Variants in NEK11 observed in about 807,000 individuals in gnomAD.
NEK11 encodes serine/threonine-protein kinase Nek11.
NEK11 carries 72 observed loss-of-function variants against 80.7 expected under a neutral mutation model. The ratio of observed to expected loss-of-function variants is 0.89; its 90% CI spans 0.74 to 1.08. The LOEUF is 1.08. Ranked by LOEUF, NEK11 falls within the 50% of genes least tolerant of loss-of-function variation. The probability of loss-of-function intolerance (pLI) is 0.00; values close to 1 mark genes in which losing one functional copy is unlikely to be tolerated. For missense variants in NEK11, 764 were observed against 763.6 expected, an observed-to-expected ratio of 1.00 and a Z score of -0.01; for synonymous variants, 251 against 260.7, an observed-to-expected ratio of 0.96 and a Z score of 0.36.
chr3:131,257,274 A>G (rs962335663), intron 16 of NEK11, among the ~76,000 whole-genome samples: 2 of 151,618 alleles, frequency 1.3e-5, no homozygotes, highest in Non-Finnish European at 2.9e-5. Context: ...GGGATTACAG[A>G]TGTGAACTAC....
intron 17 of NEK11, among the ~76,000 whole-genome samples, chr3:131,301,578 TAACATG>T (rs1168501091): frequency 6.6e-6 from 1 of 152,144 alleles, no homozygotes; most frequent in African/African-American, 2.4e-5. Flanking sequence ...GGAGGATTTT[TAACATG>T]AACATATGTT....
At chr3:131,214,674 C>A (rs899313089) in intron 14 of NEK11, among the ~76,000 whole-genome samples, 7 of 147,512 alleles carry the variant, frequency 4.7e-5, no homozygotes. Context: ...GAGCTTATTT[C>A]TGTCACGTGA....
intron 14 of NEK11, among the ~76,000 whole-genome samples, chr3:131,200,246 G>C (rs961131073): frequency 6.6e-6 from 1 of 152,172 alleles, no homozygotes; most frequent in Admixed American, 6.5e-5. Flanking sequence ...AATTCATAGA[G>C]TAAATCAAGG....
intron 5 of NEK11, among the ~76,000 whole-genome samples, chr3:131,112,118 C>T (rs1665220452): frequency 6.6e-6 from 1 of 152,058 alleles, no homozygotes; most frequent in Non-Finnish European, 1.5e-5. Flanking sequence ...AAAAGGTATG[C>T]AGAAATGTCC....
chr3:131,286,254 G>A (rs779879737), intron 17 of NEK11, among the ~76,000 whole-genome samples: 9 of 152,204 alleles, frequency 5.9e-5, no homozygotes, highest in Non-Finnish European at 1.0e-4. Context: ...GATGGCCAGG[G>A]TTGGGGTGTA....
At chr3:131,145,794 C>G (rs1420886765) in intron 7 of NEK11, among the ~76,000 whole-genome samples, 1 of 152,042 alleles carries the variant, frequency 6.6e-6, no homozygotes, top group Admixed American at 6.6e-5. Flanking sequence ...AACAATTTAC[C>G]TAATCTTATG....
At chr3:131,178,151 CA>C (rs1412145405) in intron 14 of NEK11, among the ~76,000 whole-genome samples, 1 of 152,252 alleles carries the variant, frequency 6.6e-6, no homozygotes, top group East Asian at 1.9e-4. Context: ...ATGGAGCTTG[CA>C]GGACTGGAAG....
chr3:131,309,115 G>T (rs115174437), intron 17 of NEK11, among the ~76,000 whole-genome samples: 1,637 of 152,254 alleles, frequency 0.011, 22 homozygotes, highest in African/African-American at 0.036. Flanking sequence ...GCGGCCTAAG[G>T]GTTGGGGACC....
At chr3:131,053,025 C>T (rs571891773) in intron 3 of NEK11, among the ~76,000 whole-genome samples, 10 of 152,112 alleles carry the variant, frequency 6.6e-5, no homozygotes, top group Non-Finnish European at 1.5e-4. Context: ...CCCCCCGGGA[C>T]ACTCTTATTA....
intron 14 of NEK11, among the ~76,000 whole-genome samples, chr3:131,212,893 T>C (rs1020789516): frequency 8.5e-5 from 13 of 152,196 alleles, no homozygotes; most frequent in African/African-American, 3.1e-4. Context: ...TAAGATGCAA[T>C]TAATATTTTT....
chr3:131,083,333 C>T (rs1212544226), intron 4 of NEK11, among the ~76,000 whole-genome samples: 1 of 149,058 alleles, frequency 6.7e-6, no homozygotes, highest in African/African-American at 2.4e-5. Flanking sequence ...CTGAGCTGCT[C>T]TCCCGGGAGG....
At chr3:131,242,298 C>G (rs1417017868) in intron 15 of NEK11, among the ~76,000 whole-genome samples, 2 of 152,076 alleles carry the variant, frequency 1.3e-5, no homozygotes, top group Admixed American at 1.3e-4. Flanking sequence ...ACTTGAAGAA[C>G]ATTTAAGTTC....
chr3:131,238,477 A>G (rs772448757), intron 15 of NEK11, among the ~76,000 whole-genome samples: 1 of 152,236 alleles, frequency 6.6e-6, no homozygotes, highest in South Asian at 2.1e-4. Context: ...CAGGTAGCCA[A>G]TTAGCCAGGA....
chr3:131,221,863 A>G (rs1042308883), intron 14 of NEK11, among the ~76,000 whole-genome samples: 1 of 152,192 alleles, frequency 6.6e-6, no homozygotes, highest in Non-Finnish European at 1.5e-5. Flanking sequence ...GCAGAATCTC[A>G]AGCCCCATTC....
chr3:131,302,462 A>G (rs961950012), intron 17 of NEK11, among the ~76,000 whole-genome samples: 1 of 151,878 alleles, frequency 6.6e-6, no homozygotes, highest in African/African-American at 2.4e-5. Flanking sequence ...TTAATTTGAG[A>G]TCTAACTTTT....
At chr3:131,064,215 CTG>C (rs141682740) in intron 3 of NEK11, among the ~76,000 whole-genome samples, 2,007 of 152,206 alleles carry the variant, frequency 0.013, 39 homozygotes, top group African/African-American at 0.045. Flanking sequence ...TCTTTGGGGA[CTG>C]TGTTAGTTTT....
chr3:131,065,183 C>T (rs547546660), intron 3 of NEK11, among the ~76,000 whole-genome samples: 4 of 152,266 alleles, frequency 2.6e-5, no homozygotes, highest in Non-Finnish European at 4.4e-5. Flanking sequence ...ATTTATATCT[C>T]AGTCTTTCCA....
At chr3:131,235,303 T>A (rs2095412253) in intron 15 of NEK11, among the ~76,000 whole-genome samples, 1 of 152,180 alleles carries the variant, frequency 6.6e-6, no homozygotes, top group Non-Finnish European at 1.5e-5. Context: ...CTACCCTACA[T>A]TAATCCCTGT....
intron 13 of NEK11, among the ~76,000 whole-genome samples, chr3:131,169,763 CT>C (rs1020355399): frequency 5.3e-5 from 8 of 152,172 alleles, no homozygotes; most frequent in Non-Finnish European, 1.2e-4. Flanking sequence ...ACAATTCTAT[CT>C]TTCTCTTCAA....
Sources: gnomAD v4.1 joint callset for allele counts (sites outside exome capture counted in the v4.1 genomes callset) on GRCh38, gnomAD v4.1.1 for gene constraint, MANE v1.5 for transcripts, NCBI Gene and HGNC (gene_info 2026-07-23, HGNC 2026-07-21) for gene names.